ECI2: variants seen among roughly 807,000 people sequenced by gnomAD.
ECI2 encodes enoyl-CoA delta isomerase 2.
In ECI2, 27 loss-of-function variants were observed where a neutral mutation model predicts 38.4. That is an observed-to-expected ratio of 0.70 (90% CI 0.52 to 0.97). The LOEUF is 0.97. Among genes scored for constraint, ECI2 ranks in the 50% least tolerant of loss-of-function variants. The pLI, the probability that ECI2 is intolerant of heterozygous loss-of-function variation, is 0.00. For synonymous variants in ECI2, 168 were observed against 172.0 expected (o/e 0.98, Z 0.18); for missense variants, 470 against 474.4 (o/e 0.99, Z 0.09).
intron 2 of ECI2, among the ~76,000 whole-genome samples, chr6:4,133,317 C>T: frequency 6.6e-6 from 1 of 152,002 alleles, no homozygotes; most frequent in Non-Finnish European, 1.5e-5. Flanking sequence ...AATATTATAT[C>T]TCGTAAGTCT....
intron 1 of ECI2, among the ~76,000 whole-genome samples, chr6:4,134,416 C>T (rs1345469202): frequency 1.3e-5 from 2 of 152,094 alleles, no homozygotes; most frequent in Non-Finnish European, 2.9e-5. Flanking sequence ...GCAACCACCG[C>T]GGGGGTGATC....
Position 4,135,546 on chromosome 6 carries a change from G to C in ECI2, c.15C>G (p.Tyr5Ter), listed in dbSNP as rs776704171. The change falls in exon 1 of 10, where the codon TAC becomes TAG. Residue 5 changes from tyrosine to a stop codon, truncating the protein, a stop_gained. Transcript: ENST00000380118. LOFTEE classifies it high-confidence loss of function. ...AACGCCGCGCCAGTCTCCAAGCCAA[G>C]TACGCCATCGCCATCCCTTGGGCGG... The part of the protein sequence containing the change: MAMA[Y>*]LAWRLARRSC... The C allele has an allele frequency of 9.4e-6, 15 of 1,588,280 alleles. No individual in the cohort carries two copies. The highest frequency in any genetic ancestry group is 1.3e-5 in the Non-Finnish European group (15 of 1,165,076).
chr6:4,118,952 A>G lies in ECI2; in HGVS notation c.885+234T>C, dbSNP rs1772469127. 1.3e-5 allele frequency: 5 copies of G among 380,154 alleles called. No individual in the cohort carries two copies. In the South Asian group the frequency reaches 1.4e-4, roughly 10 times the overall value. The allele number at this position is 380,154 out of a possible 1,614,324, so 23.5% of individuals were successfully genotyped here. On this transcript the variant is annotated intron_variant, in intron 8 of 9. Transcript: ENST00000380118. ...GCTAGCACTAAGCAGCCAGCTGAAGAGGAGGATCCCAGTTCTGGGAACTGC... is the reference window on the plus strand; with the variant it reads ...GCTAGCACTAAGCAGCCAGCTGAAGGGGAGGATCCCAGTTCTGGGAACTGC...
In ECI2 at chr6:4,128,320, A is replaced by G. The variant is rs956824139; in HGVS notation, c.502-489T>C. Among the ~76,000 whole-genome samples the G allele has an allele frequency of 1.3e-4, 20 of 152,174 alleles. 1 individual carries two copies. Among genetic ancestry groups the G allele is most frequent in the African/African-American group, 4.8e-4 (20 of 41,514 alleles). On this transcript the variant is annotated intron_variant, in intron 4 of 9. Coordinates refer to ENST00000380118, the MANE Select transcript of ECI2 (RefSeq NM_206836.3). ...CAAGGAAGCCCCTGGCAGTCTGGGA[A>G]GTGTTAGTGACTGCCAAAAGGCTGG...
intron 1 of ECI2, 179 bp from the exon 2 acceptor site, chr6:4,133,890 G>A: frequency 3.2e-6 from 2 of 633,724 alleles, no homozygotes; most frequent in Non-Finnish European, 4.9e-6. Context: ...AAGATAATAA[G>A]TCAATACAGA....
intron 8 of ECI2, chr6:4,118,649 G>A (rs535541319): frequency 2.0e-5 from 3 of 152,710 alleles, no homozygotes; most frequent in Non-Finnish European, 2.9e-5. Flanking sequence ...CAGCCTGGGA[G>A]AGAATACACC....
At chr6:4,121,501 T>G (rs1194822700) in intron 7 of ECI2, among the ~76,000 whole-genome samples, 3 of 152,212 alleles carry the variant, frequency 2.0e-5, no homozygotes, top group African/African-American at 7.2e-5. Flanking sequence ...CATTTTTATT[T>G]TAGCTTGTGG....
At chr6:4,126,042 G>T in intron 6 of ECI2, 93 bp downstream of exon 6, 1 of 978,162 alleles carries the variant, frequency 1.0e-6, no homozygotes, top group Non-Finnish European at 1.6e-6. Context: ...CACTGACACA[G>T]AGAAGCAGAT....
chr6:4,117,778 T>C (rs1772382272), intron 8 of ECI2: 2 of 198,792 alleles, frequency 1.0e-5, no homozygotes, highest in Non-Finnish European at 2.0e-5. Flanking sequence ...TGATACACTA[T>C]AAACTATTAT....
In ECI2 at chr6:4,119,169, A is replaced by G; in HGVS notation, c.885+17T>C. The G allele has an allele frequency of 6.3e-7, 1 of 1,595,718 alleles. No individual in the cohort carries two copies. On this transcript the variant is annotated intron_variant, in intron 8 of 9. Transcript: ENST00000380118. Reference sequence around the variant, plus strand: ...GATGACTCATAAAATTTTATATTTAAACATTCCAAAAGTTACCTTGGCTGG... The same window carrying G: ...GATGACTCATAAAATTTTATATTTAGACATTCCAAAAGTTACCTTGGCTGG...
intron 2 of ECI2, among the ~76,000 whole-genome samples, chr6:4,132,233 G>A (rs890823443): frequency 2.6e-5 from 4 of 152,114 alleles, no homozygotes; most frequent in Admixed American, 1.3e-4. Flanking sequence ...AGTTTCCATT[G>A]TCCTTTCCCC....
intron 7 of ECI2, among the ~76,000 whole-genome samples, chr6:4,124,702 T>C (rs1446527956): frequency 2.0e-5 from 3 of 152,230 alleles, no homozygotes; most frequent in African/African-American, 7.2e-5. Flanking sequence ...CTATGACATA[T>C]ATATTACTAC....
chr6:4,127,101 CTG>C (rs747240601), intron 5 of ECI2, among the ~76,000 whole-genome samples: 1 of 152,152 alleles, frequency 6.6e-6, no homozygotes, highest in Non-Finnish European at 1.5e-5. Flanking sequence ...TTTTGCTGAA[CTG>C]TGTTTTAAAG....
chr6:4,127,360 A>G (rs1160594528), intron 5 of ECI2, among the ~76,000 whole-genome samples: 1 of 124,192 alleles, frequency 8.1e-6, no homozygotes, highest in Non-Finnish European at 1.7e-5. Flanking sequence ...TTTTTTGTAT[A>G]TTTATAAATC....
intron 7 of ECI2, chr6:4,124,900 A>C (rs933675768): frequency 2.7e-5 from 11 of 411,750 alleles, no homozygotes; most frequent in African/African-American, 1.4e-4. Flanking sequence ...AAAAGGATCA[A>C]CTAATCCCTT....
chr6:4,125,078 G>T, intron 7 of ECI2, 172 bp downstream of exon 7: 2 of 1,125,050 alleles, frequency 1.8e-6, no homozygotes, highest in Admixed American at 2.2e-5. Context: ...TAATAATGAA[G>T]GAAAAATAAA....
At chr6:4,121,943 C>A in intron 7 of ECI2, 2 of 1,536,306 alleles carry the variant, frequency 1.3e-6, no homozygotes, top group South Asian at 1.3e-5. Context: ...TTTTTTTATC[C>A]AAAAGAAAAC....
chr6:4,127,722 A>C (rs1239271207), intron 5 of ECI2, 40 bp downstream of exon 5: 1 of 1,595,118 alleles, frequency 6.3e-7, no homozygotes, highest in East Asian at 2.3e-5. Context: ...AGGCCCCTCA[A>C]AATAGAAATT....
At position 4,135,270 on chromosome 6, in the gene ECI2, C is replaced by G. The variant is rs1322428602; in HGVS notation, c.50+241G>C. On this transcript the variant is annotated intron_variant, in intron 1 of 9. Transcript: ENST00000380118. ...AGGCGGAGACCTTGGGGACTGCTGA[C>G]AGGGAACCATAGCCCTGACCTCCCG... 4.9e-6 allele frequency: 6 copies of G among 1,223,352 alleles called. No individual in the cohort carries two copies. In the Admixed American group the frequency reaches 8.2e-5, roughly 17 times the overall value. 75.8% of individuals were successfully genotyped at this position (1,223,352 alleles called of 1,614,324 possible).
Sources: allele counts gnomAD v4.1 joint callset (sites outside exome capture counted in the v4.1 genomes callset), GRCh38; gene constraint gnomAD v4.1.1; transcripts MANE v1.5; gene names NCBI Gene and HGNC (gene_info 2026-07-23, HGNC 2026-07-21).